CDKAL1: variants seen among roughly 807,000 people sequenced by gnomAD.
The protein encoded by CDKAL1 is CDKAL1 threonylcarbamoyladenosine tRNA methylthiotransferase.
In CDKAL1, 32 loss-of-function variants were observed where a neutral mutation model predicts 68.2. The ratio of observed to expected loss-of-function variants is 0.47; its 90% CI spans 0.35 to 0.63. The LOEUF is 0.63. CDKAL1 is among the 30% of genes least tolerant of loss of function. CDKAL1 has a pLI of 0.00. For synonymous variants in CDKAL1, 234 were observed against 244.3 expected (o/e 0.96, Z 0.39); for missense variants, 606 against 696.7 (o/e 0.87, Z 1.47).
chr6:20,985,564 T>C (rs555127492), intron 10 of CDKAL1, among the ~76,000 whole-genome samples: 60 of 152,338 alleles, frequency 3.9e-4, no homozygotes, highest in Non-Finnish European at 7.5e-4. Flanking sequence ...CAAAATGCTG[T>C]GATTATAGGC....
At chr6:20,896,356 C>T (rs2150588452) in intron 9 of CDKAL1, among the ~76,000 whole-genome samples, 1 of 152,134 alleles carries the variant, frequency 6.6e-6, no homozygotes, top group South Asian at 2.1e-4. Flanking sequence ...CCTTGGCTTC[C>T]CAGAGTGCTG....
At chr6:20,641,310 G>T (rs149142900) in intron 4 of CDKAL1, among the ~76,000 whole-genome samples, 2 of 152,150 alleles carry the variant, frequency 1.3e-5, no homozygotes, top group Admixed American at 1.3e-4. Flanking sequence ...GGAAAAAAGG[G>T]CAATGCATGC....
At chr6:20,989,435 A>G (rs1766669488) in intron 10 of CDKAL1, among the ~76,000 whole-genome samples, 1 of 152,252 alleles carries the variant, frequency 6.6e-6, no homozygotes. Flanking sequence ...ATGGAACTAA[A>G]GTTACCTAAG....
At chr6:20,984,632 C>T (rs774667366) in intron 10 of CDKAL1, among the ~76,000 whole-genome samples, 9 of 151,932 alleles carry the variant, frequency 5.9e-5, no homozygotes, top group Admixed American at 3.3e-4. Context: ...TGGCTCCCAG[C>T]GGGAAGGGGA....
chr6:21,223,383 G>C (rs1293220054), intron 15 of CDKAL1, among the ~76,000 whole-genome samples: 5 of 152,198 alleles, frequency 3.3e-5, no homozygotes, highest in African/African-American at 1.2e-4. Context: ...TAGTCTGAAG[G>C]ATTAGAGAGC....
At chr6:20,642,109 T>C (rs1243870861) in intron 4 of CDKAL1, among the ~76,000 whole-genome samples, 1 of 152,156 alleles carries the variant, frequency 6.6e-6, no homozygotes, top group Non-Finnish European at 1.5e-5. Context: ...GATCAATGTA[T>C]ATCAGGATAA....
At chr6:20,618,788 C>T (rs1283883589) in intron 4 of CDKAL1, among the ~76,000 whole-genome samples, 2 of 152,064 alleles carry the variant, frequency 1.3e-5, no homozygotes, top group African/African-American at 2.4e-5. Context: ...AGCTGATCCT[C>T]CTGCCTCAGC....
intron 9 of CDKAL1, among the ~76,000 whole-genome samples, chr6:20,891,693 C>G (rs1397119792): frequency 6.6e-6 from 1 of 152,070 alleles, no homozygotes; most frequent in Non-Finnish European, 1.5e-5. Context: ...CGCCACCATG[C>G]CCGGCTAATT....
intron 9 of CDKAL1, among the ~76,000 whole-genome samples, chr6:20,855,108 C>T (rs190546005): frequency 2.6e-5 from 4 of 152,184 alleles, no homozygotes; most frequent in Admixed American, 2.6e-4. Flanking sequence ...ACTCACATAC[C>T]ATGTTTCTGA....
chr6:20,846,714 G>T (rs1231973212), intron 9 of CDKAL1, among the ~76,000 whole-genome samples: 2 of 152,212 alleles, frequency 1.3e-5, no homozygotes, highest in African/African-American at 2.4e-5. Context: ...AATGATTTGT[G>T]TGGGGTGGCC....
intron 4 of CDKAL1, among the ~76,000 whole-genome samples, chr6:20,626,484 T>G (rs1767437011): frequency 6.6e-6 from 1 of 152,200 alleles, no homozygotes; most frequent in South Asian, 2.1e-4. Flanking sequence ...ATGAAAGTAC[T>G]AAAAGGCTCC....
intron 13 of CDKAL1, among the ~76,000 whole-genome samples, chr6:21,167,080 G>A (rs1209045183): frequency 6.6e-6 from 1 of 152,194 alleles, no homozygotes; most frequent in Non-Finnish European, 1.5e-5. Flanking sequence ...TAATGTAGGT[G>A]AAAGCAATGT....
intron 12 of CDKAL1, among the ~76,000 whole-genome samples, chr6:21,092,207 C>CT (rs796849783): frequency 0.034 from 1,101 of 31,994 alleles, 27 homozygotes; most frequent in African/African-American, 0.12. Flanking sequence ...TTTCAATCAG[C>CT]TTTTTTTTTT....
chr6:21,198,746 T>C (rs1778568954), intron 14 of CDKAL1, among the ~76,000 whole-genome samples: 2 of 152,226 alleles, frequency 1.3e-5, no homozygotes, highest in South Asian at 4.2e-4. Context: ...CGCCCCCAAT[T>C]ACTAGCCCTC....
At chr6:20,594,463 G>C (rs1479885250) in intron 4 of CDKAL1, among the ~76,000 whole-genome samples, 1 of 152,010 alleles carries the variant, frequency 6.6e-6, no homozygotes, top group African/African-American at 2.4e-5. Flanking sequence ...GATCTTTGTT[G>C]GTTTAAAGTC....
chr6:20,664,062 C>T (rs151325450), intron 5 of CDKAL1, among the ~76,000 whole-genome samples: 8 of 152,014 alleles, frequency 5.3e-5, no homozygotes, highest in South Asian at 2.1e-4. Context: ...TATAGGTTGG[C>T]GCCATTGGAT....
intron 13 of CDKAL1, among the ~76,000 whole-genome samples, chr6:21,181,577 A>G (rs545350802): frequency 6.6e-6 from 1 of 152,304 alleles, no homozygotes; most frequent in South Asian, 2.1e-4. Flanking sequence ...GAAAATAAAT[A>G]CATTTTCTTT....
chr6:21,059,735 T>C (rs1014112382), intron 11 of CDKAL1, among the ~76,000 whole-genome samples: 3 of 152,130 alleles, frequency 2.0e-5, no homozygotes, highest in Non-Finnish European at 4.4e-5. Flanking sequence ...CTGCTTCTAA[T>C]TGGCCATCTT....
intron 9 of CDKAL1, among the ~76,000 whole-genome samples, chr6:20,896,878 G>A (rs184073878): frequency 1.3e-5 from 2 of 152,282 alleles, no homozygotes; most frequent in Non-Finnish European, 2.9e-5. Flanking sequence ...ACTCTGTTAT[G>A]TACAATTCAA....
Sources: allele counts gnomAD v4.1 joint callset (sites outside exome capture counted in the v4.1 genomes callset), GRCh38; gene constraint gnomAD v4.1.1; transcripts MANE v1.5; gene names NCBI Gene and HGNC (gene_info 2026-07-23, HGNC 2026-07-21).